The following SPTBN1 variants were observed in gnomAD, a reference collection of about 807,000 sequenced individuals.
The protein encoded by SPTBN1 is spectrin beta, non-erythrocytic 1, also known as spectrin beta chain, non-erythrocytic 1.
In SPTBN1, 32 loss-of-function variants were observed where a neutral mutation model predicts 266.4. The ratio of observed to expected loss-of-function variants is 0.12; its 90% CI spans 0.09 to 0.16. SPTBN1 has a LOEUF of 0.16. Among genes scored for constraint, SPTBN1 ranks in the 10% least tolerant of loss-of-function variants. SPTBN1 has a pLI of 1.00. For synonymous variants in SPTBN1, 1,336 were observed against 1,162.2 expected (o/e 1.15, Z -3.04); for missense variants, 2,296 against 3,067.1 (o/e 0.75, Z 5.94).
intron 5 of SPTBN1, among the ~76,000 whole-genome samples, chr2:54,616,510 GT>G (rs1677626485): frequency 6.6e-6 from 1 of 152,144 alleles, no homozygotes; most frequent in African/African-American, 2.4e-5. Context: ...TTCATAATCA[GT>G]TTCCTTCTCT....
At chr2:54,549,398 T>C (rs896320885) in intron 2 of SPTBN1, among the ~76,000 whole-genome samples, 3 of 152,218 alleles carry the variant, frequency 2.0e-5, no homozygotes, top group Non-Finnish European at 2.9e-5. Flanking sequence ...TTCCTTGCTT[T>C]TAAGTAAGAT....
intron 2 of SPTBN1, among the ~76,000 whole-genome samples, chr2:54,536,162 C>T (rs891926694): frequency 6.6e-6 from 1 of 152,204 alleles, no homozygotes; most frequent in Non-Finnish European, 1.5e-5. Context: ...ACACAGTTAA[C>T]CCCTTTGCCA....
intron 2 of SPTBN1, among the ~76,000 whole-genome samples, chr2:54,568,010 G>A (rs553580788): frequency 1.3e-5 from 2 of 152,148 alleles, no homozygotes; most frequent in Non-Finnish European, 2.9e-5. Context: ...ATCTCAGGCC[G>A]ACCTCCCCAC....
intron 2 of SPTBN1, among the ~76,000 whole-genome samples, chr2:54,549,500 A>G (rs1304661846): frequency 1.3e-5 from 2 of 152,326 alleles, no homozygotes; most frequent in East Asian, 3.9e-4. Context: ...TGAATGGCTC[A>G]TGGTCACATA....
At chr2:54,566,185 C>CTTTTTTTTTTTTTTTTTTTT (rs59369956) in intron 2 of SPTBN1, among the ~76,000 whole-genome samples, 1 of 125,224 alleles carries the variant, frequency 8.0e-6, no homozygotes. Flanking sequence ...TTTCTTTTTT[C>CTTTTTTTTTTTTTTTTTTTT]TTTTTTTTTT....
chr2:54,474,159 C>G (rs935213725), intron 1 of SPTBN1, among the ~76,000 whole-genome samples: 1 of 152,204 alleles, frequency 6.6e-6, no homozygotes, highest in African/African-American at 2.4e-5. Flanking sequence ...CTGTTGTTGG[C>G]TAGCTGAAAA....
intron 32 of SPTBN1, chr2:54,661,048 C>A: frequency 1.0e-6 from 1 of 985,366 alleles, no homozygotes; most frequent in Non-Finnish European, 1.2e-6. Flanking sequence ...CGCTCGCATG[C>A]CCCCTGGCTT....
At chr2:54,608,304 T>C (rs1405735488) in intron 3 of SPTBN1, among the ~76,000 whole-genome samples, 2 of 152,002 alleles carry the variant, frequency 1.3e-5, no homozygotes, top group African/African-American at 4.8e-5. Context: ...TAATGATGAG[T>C]TCCTGGGCTC....
intron 29 of SPTBN1, 97 bp from the exon 30 acceptor site, chr2:54,657,753 T>C (rs765430133): frequency 7.9e-6 from 11 of 1,389,876 alleles, no homozygotes; most frequent in African/African-American, 5.7e-5. Context: ...GTTATGCAGG[T>C]AGCCATCACC....
At chr2:54,635,318 C>G (rs1235432064) in intron 17 of SPTBN1, among the ~76,000 whole-genome samples, 1 of 152,220 alleles carries the variant, frequency 6.6e-6, no homozygotes, top group Non-Finnish European at 1.5e-5. Context: ...CATTAAGCCA[C>G]ACTCACTTCT....
chr2:54,492,333 C>T (rs1312994584), intron 1 of SPTBN1, among the ~76,000 whole-genome samples: 1 of 133,256 alleles, frequency 7.5e-6, no homozygotes, highest in Non-Finnish European at 1.6e-5. Context: ...TTTAGTTTGT[C>T]TGCAGTTGTT....
At chr2:54,651,809 A>G (rs1484514695) in intron 26 of SPTBN1, among the ~76,000 whole-genome samples, 3 of 152,244 alleles carry the variant, frequency 2.0e-5, no homozygotes. Flanking sequence ...AACCTGAGCC[A>G]TAATCAAAGA....
intron 2 of SPTBN1, among the ~76,000 whole-genome samples, chr2:54,586,561 T>C (rs1219720084): frequency 6.6e-6 from 1 of 152,236 alleles, no homozygotes; most frequent in Admixed American, 6.5e-5. Flanking sequence ...TTCTGTATCT[T>C]AGCTTATCTT....
intron 2 of SPTBN1, among the ~76,000 whole-genome samples, chr2:54,544,385 G>A (rs1397828879): frequency 1.3e-5 from 2 of 152,102 alleles, no homozygotes; most frequent in African/African-American, 4.8e-5. Context: ...CTCCATATTA[G>A]CAAATTATGA....
At chr2:54,651,995 C>T (rs1680324523) in intron 26 of SPTBN1, among the ~76,000 whole-genome samples, 1 of 152,178 alleles carries the variant, frequency 6.6e-6, no homozygotes, top group Admixed American at 6.5e-5. Context: ...AGCCCTACTG[C>T]TGTCCGTACC....
rs1471182516 is a variant in SPTBN1 at position 54,646,732 on chromosome 2, G to A, written c.4866+257G>A. 1.3e-5 allele frequency among the ~76,000 whole-genome samples: 2 copies of A among 152,180 alleles called. No individual in the cohort carries two copies. Among genetic ancestry groups the A allele is most frequent in the Non-Finnish European group, 2.9e-5 (2 of 68,030 alleles). On this transcript the variant is annotated intron_variant, in intron 23 of 35. Transcript: ENST00000356805. This position sits in a 1 kb window ranked among gnomAD's most constrained non-coding sequence, Gnocchi z 4.4. ...TTTGAAATATGCCAGAGTCCTTCCT[G>A]CTGTCTATTTATAGGTTCCCTAAAC...
chr2:54,481,088 A>G (rs1473893373), intron 1 of SPTBN1, among the ~76,000 whole-genome samples: 4 of 152,088 alleles, frequency 2.6e-5, no homozygotes, highest in Admixed American at 2.6e-4. Context: ...TGGGAGGATC[A>G]CTTGAGCCCA....
intron 1 of SPTBN1, among the ~76,000 whole-genome samples, chr2:54,463,821 A>G (rs1693493477): frequency 6.6e-6 from 1 of 152,208 alleles, no homozygotes; most frequent in Non-Finnish European, 1.5e-5. Flanking sequence ...CTGTTCCTAT[A>G]CATCATGTCA....
chr2:54,662,825 A>C (rs1681138685), intron 32 of SPTBN1: 1 of 152,240 alleles, frequency 6.6e-6, no homozygotes, highest in Non-Finnish European at 1.5e-5. Context: ...GTTGCTCATA[A>C]GCACGTGTCT....
Sources: allele counts gnomAD v4.1 joint callset (sites outside exome capture counted in the v4.1 genomes callset), GRCh38; gene constraint gnomAD v4.1.1; non-coding constraint Gnocchi (gnomAD v3.1); transcripts MANE v1.5; gene names NCBI Gene and HGNC (gene_info 2026-07-23, HGNC 2026-07-21).